Variants in UBE2Z observed in about 807,000 individuals in gnomAD.
UBE2Z encodes the protein ubiquitin conjugating enzyme E2 Z, also known as ubiquitin-conjugating enzyme E2 Z.
Under a neutral mutation model 32.6 loss-of-function variants are expected in UBE2Z, and 10 were observed. That is an observed-to-expected ratio of 0.31 (90% CI 0.19 to 0.52). The LOEUF (loss-of-function observed/expected upper bound fraction) is 0.52. Among genes scored for constraint, UBE2Z ranks in the 20% least tolerant of loss-of-function variants. UBE2Z has a pLI of 0.97. For missense variants in UBE2Z, 343 were observed against 480.9 expected, an observed-to-expected ratio of 0.71 and a Z score of 2.68; for synonymous variants, 183 against 190.8, an observed-to-expected ratio of 0.96 and a Z score of 0.34.
intron 4 of UBE2Z, among the ~76,000 whole-genome samples, chr17:48,918,677 A>G (rs2040737552): frequency 6.6e-6 from 1 of 151,620 alleles, no homozygotes; most frequent in African/African-American, 2.4e-5. Flanking sequence ...CTTTCTCCAA[A>G]CATTCATTTC....
Position 48,926,636 on chromosome 17 carries a change from G to A in UBE2Z, c.895-328G>A, listed in dbSNP as rs186609921. 2.9e-3 allele frequency among the ~76,000 whole-genome samples: 435 copies of A among 151,962 alleles called. 3 individuals carry two copies. The highest frequency in any genetic ancestry group is 9.3e-3 in the African/African-American group (387 of 41,448). On this transcript the variant is annotated intron_variant, in intron 6 of 6. Transcript: ENST00000360943. ...AGCTGGGATTACAGGCATGCGCCAC[G>A]ACACCCGGCTAATTTTGCATTTTTA...
intron 4 of UBE2Z, among the ~76,000 whole-genome samples, chr17:48,916,549 C>T (rs1300484705): frequency 6.6e-6 from 1 of 151,094 alleles, no homozygotes; most frequent in Non-Finnish European, 1.5e-5. Flanking sequence ...CCGCGCCCAG[C>T]CAGAATAGTG....
chr17:48,918,474 C>T (rs1158772064), intron 4 of UBE2Z, among the ~76,000 whole-genome samples: 2 of 151,736 alleles, frequency 1.3e-5, no homozygotes, highest in South Asian at 2.1e-4. Context: ...GCTGGGACTA[C>T]AGGCGCACAC....
chr17:48,915,984 T>G, intron 3 of UBE2Z, 92 bp from the exon 4 acceptor site: 1 of 686,324 alleles, frequency 1.5e-6, no homozygotes, highest in Non-Finnish European at 2.4e-6. Flanking sequence ...AAACTTATGG[T>G]GAGTCACTTA....
intron 1 of UBE2Z, among the ~76,000 whole-genome samples, chr17:48,909,780 GC>G (rs2040662494): frequency 6.6e-6 from 1 of 151,888 alleles, no homozygotes; most frequent in African/African-American, 2.4e-5. Context: ...TTCTCCCCAT[GC>G]CCCCATCACA....
In UBE2Z at chr17:48,927,308, G is replaced by C; in HGVS notation, c.*174G>C. ...GTGTGGGAGTGGGGGCCTGTTCCCG[G>C]TCTGACCTCCTTGGCACTGGAGCAT... On this transcript the variant is annotated 3_prime_UTR_variant, in exon 7 of 7. Transcript: ENST00000360943. The C allele has an allele frequency of 1.5e-6, 1 of 673,502 alleles. No homozygotes were observed. The highest frequency in any genetic ancestry group is 2.5e-6 in the Non-Finnish European group (1 of 405,770). The allele number at this position is 673,502 out of a possible 1,614,324, so 41.7% of individuals were successfully genotyped here. A position where few individuals can be genotyped will look rare whatever the true frequency, so the allele number is the denominator to read the frequency against.
At chr17:48,909,375 C>T (rs1439302402) in intron 1 of UBE2Z, among the ~76,000 whole-genome samples, 1 of 151,996 alleles carries the variant, frequency 6.6e-6, no homozygotes, top group African/African-American at 2.4e-5. Context: ...TTTCCCAGGT[C>T]TAGATCGCTT....
At chr17:48,911,041 G>A (rs2143757415) in intron 2 of UBE2Z, 161 bp downstream of exon 2, 5 of 649,868 alleles carry the variant, frequency 7.7e-6, no homozygotes, top group Non-Finnish European at 1.1e-5. Context: ...ATAGTGAGGT[G>A]GAGCAGCACT....
intron 3 of UBE2Z, 131 bp from the exon 4 acceptor site, chr17:48,915,945 G>A: frequency 3.4e-6 from 2 of 591,344 alleles, no homozygotes; most frequent in Non-Finnish European, 5.7e-6. Context: ...CAGAGGCTGG[G>A]AAATTCCAGA....
chr17:48,911,184 A>G (rs1202767661), intron 2 of UBE2Z: 1 of 351,648 alleles, frequency 2.8e-6, no homozygotes, highest in Non-Finnish European at 5.4e-6. Flanking sequence ...TGTTTGGATA[A>G]TAAATTATAT....
chr17:48,922,244 G>A (rs1182346651), intron 5 of UBE2Z, among the ~76,000 whole-genome samples: 5 of 151,844 alleles, frequency 3.3e-5, no homozygotes, highest in East Asian at 1.9e-4. Context: ...AAAATTACCC[G>A]GGTGTGGTGG....
chr17:48,922,027 CAAAAA>C (rs2040762698), intron 5 of UBE2Z, among the ~76,000 whole-genome samples: 1 of 152,020 alleles, frequency 6.6e-6, no homozygotes, highest in African/African-American at 2.4e-5. Flanking sequence ...GACCCTGCCT[CAAAAA>C]GAAAACTAAT....
At position 48,927,234 on chromosome 17, in the gene UBE2Z, CGAA is replaced by C. The variant is rs1475571403; in HGVS notation, c.*102_*104del. 1 of 1,272,164 alleles carries C rather than the reference CGAA, an allele frequency of 7.9e-7. No individual in the cohort carries two copies. Among genetic ancestry groups the C allele is most frequent in the Non-Finnish European group, 1.1e-6 (1 of 919,972 alleles). 78.8% of individuals were successfully genotyped at this position (1,272,164 alleles called of 1,614,324 possible). ...GGCACTGTGTATCTCCCTCCAGACT[CGAA>C]GTCATCCTGCAAGATGGCAAGAACC... On this transcript the variant is annotated 3_prime_UTR_variant, in exon 7 of 7. Transcript: ENST00000360943.
chr17:48,921,996 C>G (rs2040762396), intron 5 of UBE2Z, among the ~76,000 whole-genome samples: 2 of 152,134 alleles, frequency 1.3e-5, no homozygotes, highest in Non-Finnish European at 2.9e-5. Flanking sequence ...CCACTGCACT[C>G]CAGCCTGGGT....
In UBE2Z at chr17:48,908,713, C is replaced by G; in HGVS notation, c.210C>G (p.Pro70=). ...SGLAPLPGLP[P]SAAAHGAALL... ...TGGCTCCGCTGCCCGGGCTCCCGCC[C>G]TCAGCCGCTGCCCACGGGGCCGCGC... is the stretch of plus-strand genomic sequence containing the variant. Residue 70 remains proline, a synonymous_variant, in exon 1 of 7, where the codon CCC becomes CCG. Transcript: ENST00000360943. The G allele has an allele frequency of 1.5e-6, 2 of 1,378,642 alleles. No homozygotes were observed. Among genetic ancestry groups the G allele is most frequent in the South Asian group, 1.6e-5 (1 of 64,512 alleles). 85.4% of individuals were successfully genotyped at this position (1,378,642 alleles called of 1,614,324 possible).
chr17:48,923,032 A>AGCTGT, intron 6 of UBE2Z, 95 bp downstream of exon 6: 1 of 1,193,802 alleles, frequency 8.4e-7, no homozygotes, highest in Non-Finnish European at 1.2e-6. Context: ...ATAGAATGAC[A>AGCTGT]CAGCTAAGCC....
intron 2 of UBE2Z, chr17:48,912,088 G>C (rs1420592864): frequency 6.7e-6 from 1 of 148,524 alleles, no homozygotes; most frequent in Non-Finnish European, 1.5e-5. Flanking sequence ...AACAGTATTG[G>C]GGAAAGTTCT....
chr17:48,916,011 C>A, intron 3 of UBE2Z, 65 bp from the exon 4 acceptor site: 1 of 1,085,840 alleles, frequency 9.2e-7, no homozygotes, highest in Non-Finnish European at 1.3e-6. Flanking sequence ...TGTTGCCGGG[C>A]CCCAGGGTAC....
chr17:48,921,083 A>G (rs1360898462), intron 4 of UBE2Z, 77 bp from the exon 5 acceptor site: 3 of 1,181,480 alleles, frequency 2.5e-6, no homozygotes, highest in East Asian at 2.6e-5. Context: ...CATACCCCAT[A>G]CTAATCTTGA....
Sources: allele counts gnomAD v4.1 joint callset (sites outside exome capture counted in the v4.1 genomes callset), GRCh38; gene constraint gnomAD v4.1.1; transcripts MANE v1.5; gene names NCBI Gene and HGNC (gene_info 2026-07-23, HGNC 2026-07-21).